NCAM1: variants seen among roughly 807,000 people sequenced by gnomAD.
The protein encoded by NCAM1 is antigen recognized by monoclonal antibody 5.1H11.
In NCAM1, 14 loss-of-function variants were observed where a neutral mutation model predicts 109.8. That is an observed-to-expected ratio of 0.13 (90% CI 0.08 to 0.20). The LOEUF (loss-of-function observed/expected upper bound fraction) is 0.20. Among genes scored for constraint, NCAM1 ranks in the 10% least tolerant of loss-of-function variants. The pLI is 1.00. For missense variants in NCAM1, 774 were observed against 1,109.9 expected (o/e 0.70, Z 4.30); for synonymous variants, 418 against 442.9 (o/e 0.94, Z 0.70).
chr11:112,987,534 A>G (rs1197246960), intron 1 of NCAM1, among the ~76,000 whole-genome samples: 3 of 152,024 alleles, frequency 2.0e-5, no homozygotes, highest in Non-Finnish European at 4.4e-5. Flanking sequence ...TTCCCTTCAG[A>G]TCTATTAATA....
In NCAM1 at chr11:113,109,672, A is replaced by G. The variant is rs150787582; in HGVS notation, c.53-92707A>G. Among the ~76,000 whole-genome samples, 4 of 152,328 alleles carry G rather than the reference A, an allele frequency of 2.6e-5. No individual in the cohort carries two copies. The East Asian group carries it at 7.7e-4, about 29-fold the overall frequency. The stretch of plus-strand genomic sequence containing the variant: ...CAGAGAAGATGTATATAAATAATGA[A>G]TCCAAGGTAGAAAAGAGAAAATTAC... On this transcript the variant is annotated intron_variant, in intron 1 of 19. Transcript: ENST00000316851.
chr11:113,194,420 G>A (rs1943790040), intron 1 of NCAM1, among the ~76,000 whole-genome samples: 1 of 152,132 alleles, frequency 6.6e-6, no homozygotes, highest in Non-Finnish European at 1.5e-5. Flanking sequence ...ATTCTTACCA[G>A]GACTGCTTGC....
chr11:113,197,481 C>G (rs1283760313), intron 1 of NCAM1, among the ~76,000 whole-genome samples: 1 of 152,168 alleles, frequency 6.6e-6, no homozygotes, highest in Non-Finnish European at 1.5e-5. Flanking sequence ...AGTCCATGGT[C>G]ATTATTAAAT....
chr11:113,195,456 C>CAT (rs1943822832), intron 1 of NCAM1, among the ~76,000 whole-genome samples: 1 of 33,964 alleles, frequency 2.9e-5, no homozygotes, highest in African/African-American at 2.1e-4. Flanking sequence ...AAATACACAC[C>CAT]ACACACACAC....
In NCAM1 at chr11:113,150,396, C is replaced by T. The variant is rs550775012; in HGVS notation, c.53-51983C>T. Among the ~76,000 whole-genome samples, 17 of 152,288 alleles carry T rather than the reference C, an allele frequency of 1.1e-4. 1 individual carries two copies. In the South Asian group the frequency reaches 2.1e-3, roughly 19 times the overall value. ...CTATATGGAAACTGCATGAGTCCCT[C>T]GGGTTCGTATGCATGCCTCTCTGAG... On this transcript the variant is annotated intron_variant, in intron 1 of 19. Transcript: ENST00000316851.
At chr11:113,033,774 T>G (rs112135712) in intron 1 of NCAM1, among the ~76,000 whole-genome samples, 3 of 152,340 alleles carry the variant, frequency 2.0e-5, no homozygotes, top group African/African-American at 7.2e-5. Context: ...TTCACAGCAT[T>G]GTAACAAGCA....
intron 1 of NCAM1, among the ~76,000 whole-genome samples, chr11:113,098,602 G>A (rs1257449193): frequency 6.6e-6 from 1 of 152,120 alleles, no homozygotes; most frequent in Non-Finnish European, 1.5e-5. Flanking sequence ...AGGATATTAG[G>A]ACAGGGAATT....
At chr11:113,166,115 G>A (rs1942789039) in intron 1 of NCAM1, among the ~76,000 whole-genome samples, 1 of 152,106 alleles carries the variant, frequency 6.6e-6, no homozygotes, top group Non-Finnish European at 1.5e-5. Flanking sequence ...ACAGGCGTGA[G>A]CCACCGCGCC....
intron 1 of NCAM1, among the ~76,000 whole-genome samples, chr11:112,987,799 C>G (rs966735021): frequency 1.3e-5 from 2 of 151,980 alleles, no homozygotes; most frequent in Non-Finnish European, 2.9e-5. Flanking sequence ...TGAAGTGAGT[C>G]TCTTATAGGT....
chr11:113,004,245 A>T (rs1282169886), intron 1 of NCAM1, among the ~76,000 whole-genome samples: 2 of 152,180 alleles, frequency 1.3e-5, no homozygotes, highest in African/African-American at 2.4e-5. Context: ...CTGTAATCGC[A>T]GCACTTTGGG....
intron 1 of NCAM1, among the ~76,000 whole-genome samples, chr11:112,972,820 G>A (rs1161490410): frequency 6.6e-6 from 1 of 152,080 alleles, no homozygotes; most frequent in East Asian, 1.9e-4. Context: ...AAAGACTGAG[G>A]AAGAGCTGAT....
chr11:113,127,407 T>G (rs962786582), intron 1 of NCAM1, among the ~76,000 whole-genome samples: 6 of 152,158 alleles, frequency 3.9e-5, no homozygotes, highest in Non-Finnish European at 8.8e-5. Flanking sequence ...TACCAGTGCT[T>G]TTGTCTCTTT....
chr11:113,004,416 C>G (rs551128160), intron 1 of NCAM1, among the ~76,000 whole-genome samples: 1 of 151,862 alleles, frequency 6.6e-6, no homozygotes, highest in Non-Finnish European at 1.5e-5. Flanking sequence ...TGCTTGAACC[C>G]GGGAGGCGGA....
rs1555126321 is a variant in NCAM1, at chr11:113,275,271, G to T, written c.2461G>T (p.Gly821Cys). 1 of 1,613,726 alleles carries T rather than the reference G, an allele frequency of 6.2e-7. No individual in the cohort carries two copies. Among genetic ancestry groups the T allele is most frequent in the Admixed American group, 1.7e-5 (1 of 60,006 alleles). The change falls in exon 20 of 20, where the codon GGC becomes TGC. Residue 821 changes from glycine to cysteine, a missense_variant. Around this residue, in one of 4 missense-constraint regions of NCAM1, gnomAD observed 122 missense variants for 129.7 expected, o/e 0.94. Coordinates refer to ENST00000316851, the MANE Select transcript of NCAM1 (RefSeq NM_181351.5). Reference protein sequence around the residue: ...ETTPLTEPEKGPVEAKPECQE... With the variant: ...ETTPLTEPEKCPVEAKPECQE... ...TGTTTTCCTGATTCTCTGCAGGAAG[G>T]GCCCCGTAGAAGCAAAGCCAGAGTG...
chr11:113,116,318 T>C (rs1344620221), intron 1 of NCAM1, among the ~76,000 whole-genome samples: 1 of 152,172 alleles, frequency 6.6e-6, no homozygotes, highest in Admixed American at 6.5e-5. Flanking sequence ...GAAATTTTGC[T>C]GTGTTATGCC....
intron 1 of NCAM1, among the ~76,000 whole-genome samples, chr11:113,117,710 C>T (rs1314673685): frequency 1.3e-5 from 2 of 151,996 alleles, no homozygotes; most frequent in African/African-American, 4.8e-5. Flanking sequence ...AAATTTCATA[C>T]CACTTATAAA....
intron 1 of NCAM1, among the ~76,000 whole-genome samples, chr11:113,013,425 T>C (rs1404036043): frequency 1.4e-4 from 3 of 21,492 alleles, no homozygotes; most frequent in Non-Finnish European, 3.2e-4. Context: ...AGACTCTGTC[T>C]CAAAAAAAAA....
At chr11:113,099,711 T>C (rs936860650) in intron 1 of NCAM1, among the ~76,000 whole-genome samples, 1 of 152,198 alleles carries the variant, frequency 6.6e-6, no homozygotes, top group African/African-American at 2.4e-5. Flanking sequence ...ATTTTTGAGA[T>C]GGAGTCTCTC....
At chr11:113,271,035 A>G (rs1555125202) in intron 18 of NCAM1, among the ~76,000 whole-genome samples, 2 of 152,152 alleles carry the variant, frequency 1.3e-5, no homozygotes, top group African/African-American at 4.8e-5. Flanking sequence ...TAGCACCACC[A>G]CATGCCAGGC....
Sources: allele counts gnomAD v4.1 joint callset (sites outside exome capture counted in the v4.1 genomes callset), GRCh38; gene constraint gnomAD v4.1.1; regional missense constraint gnomAD v4.1.1; transcripts MANE v1.5; gene names NCBI Gene and HGNC (gene_info 2026-07-23, HGNC 2026-07-21).